Variants in CXADR observed in about 807,000 individuals in gnomAD.
The protein encoded by CXADR is CXADR cell adhesion molecule.
CXADR carries 20 observed loss-of-function variants against 40.3 expected under a neutral mutation model. That is an observed-to-expected ratio of 0.50 (90% CI 0.35 to 0.72). The LOEUF is 0.72. CXADR is among the 30% of genes least tolerant of loss of function. The probability of loss-of-function intolerance (pLI) is 0.01; values close to 1 mark genes in which losing one functional copy is unlikely to be tolerated. For missense variants in CXADR, 332 were observed against 449.1 expected (o/e 0.74, Z 2.36); for synonymous variants, 150 against 161.3 (o/e 0.93, Z 0.53).
chr21:17,565,253 G>C (rs548221036), intron 6 of CXADR, among the ~76,000 whole-genome samples, 175 bp from the exon 7 acceptor site: 10 of 151,632 alleles, frequency 6.6e-5, no homozygotes, highest in African/African-American at 2.4e-4. Context: ...AATTTATGAC[G>C]TTATGGCTTG....
At chr21:17,626,227 A>G in the CXADR span, among the ~76,000 whole-genome samples, 1 of 152,220 alleles carries the variant, frequency 6.6e-6, no homozygotes, top group Non-Finnish European at 1.5e-5. Flanking sequence ...ATATTTGTCA[A>G]TGCAAACATA....
At chr21:17,529,414 G>T (rs1034325781) in intron 1 of CXADR, among the ~76,000 whole-genome samples, 1 of 151,908 alleles carries the variant, frequency 6.6e-6, no homozygotes, top group Non-Finnish European at 1.5e-5. Context: ...TCTGCCTCCC[G>T]GGTTCAAGTG....
chr21:17,554,074 C>T (rs1032113423), intron 3 of CXADR, among the ~76,000 whole-genome samples: 1 of 152,162 alleles, frequency 6.6e-6, no homozygotes. Flanking sequence ...ATTTGATTAT[C>T]GGAATTATTT....
At chr21:17,580,981 G>T (rs564835535) in intron 7 of CXADR, among the ~76,000 whole-genome samples, 221 of 152,240 alleles carry the variant, frequency 1.5e-3, no homozygotes, top group Non-Finnish European at 1.4e-3. Flanking sequence ...AAACTCTTGG[G>T]CTCAAGTGAT....
chr21:17,631,886 A>C, the CXADR span, among the ~76,000 whole-genome samples: 1 of 152,322 alleles, frequency 6.6e-6, no homozygotes, highest in African/African-American at 2.4e-5. Context: ...ATCACGGCTC[A>C]CTGCACCCTC....
chr21:17,547,014 T>C lies in CXADR; in HGVS notation c.44-13T>C. 2 of 1,611,988 alleles carry C rather than the reference T, an allele frequency of 1.2e-6. No individual in the cohort carries two copies. Among genetic ancestry groups the C allele is most frequent in the Non-Finnish European group, 1.7e-6 (2 of 1,179,776 alleles). On this transcript the variant is annotated splice_polypyrimidine_tract_variant and intron_variant, in intron 1 of 6. Transcript: ENST00000284878. Reference sequence around the variant, plus strand: ...TAGCAAATGCTTAGTCCCTTGTACATTTCTTTCTCTAGATTTCGCCAGAAG... The same window carrying C: ...TAGCAAATGCTTAGTCCCTTGTACACTTCTTTCTCTAGATTTCGCCAGAAG...
At chr21:17,609,125 G>A in the CXADR span, 1 of 1,607,362 alleles carries the variant, frequency 6.2e-7, no homozygotes, top group Non-Finnish European at 8.5e-7. Context: ...GAAGACAACG[G>A]CAGCAATTTC....
At chr21:17,537,001 G>T (rs888576792) in intron 1 of CXADR, among the ~76,000 whole-genome samples, 2 of 151,930 alleles carry the variant, frequency 1.3e-5, no homozygotes, top group South Asian at 4.1e-4. Flanking sequence ...CAAATGATCC[G>T]CCCGTCTCAG....
chr21:17,540,554 A>G (rs1315523645), intron 1 of CXADR, among the ~76,000 whole-genome samples: 1 of 152,116 alleles, frequency 6.6e-6, no homozygotes, highest in African/African-American at 2.4e-5. Flanking sequence ...GTTCTACCTG[A>G]TCTGTTTGTC....
the CXADR span, among the ~76,000 whole-genome samples, chr21:17,629,432 G>C: frequency 4.6e-5 from 7 of 151,106 alleles, no homozygotes; most frequent in Admixed American, 2.6e-4. Context: ...ATGTATGTTG[G>C]TATATGCCTG....
At chr21:17,588,382 C>T (rs1346124231) in intron 7 of CXADR, among the ~76,000 whole-genome samples, 2 of 152,120 alleles carry the variant, frequency 1.3e-5, no homozygotes, top group East Asian at 1.9e-4. Flanking sequence ...AATGTTCTTC[C>T]GTTTGTTTGT....
chr21:17,524,651 T>C (rs1186126316), intron 1 of CXADR, among the ~76,000 whole-genome samples: 1 of 148,770 alleles, frequency 6.7e-6, no homozygotes. Flanking sequence ...TTCCAGCACT[T>C]TGGAAGGCTG....
the CXADR span, among the ~76,000 whole-genome samples, chr21:17,616,206 A>G: frequency 3.8e-4 from 58 of 151,850 alleles, no homozygotes; most frequent in East Asian, 0.011. Context: ...AACTGAGATC[A>G]TCGTGCTCTG....
downstream of CXADR, among the ~76,000 whole-genome samples, chr21:17,574,515 A>G (rs1256999411): frequency 2.0e-5 from 3 of 152,190 alleles, no homozygotes; most frequent in Non-Finnish European, 4.4e-5. Flanking sequence ...GCAAATTTGA[A>G]AGCAGAACCC....
intron 5 of CXADR, 149 bp downstream of exon 5, chr21:17,560,973 A>G (rs2061110314): frequency 2.3e-6 from 3 of 1,298,118 alleles, no homozygotes; most frequent in Non-Finnish European, 3.1e-6. Flanking sequence ...CTAGAAAAAT[A>G]CATTTTATTA....
intron 7 of CXADR, among the ~76,000 whole-genome samples, chr21:17,584,034 G>C (rs1369488631): frequency 1.3e-5 from 2 of 152,174 alleles, no homozygotes; most frequent in African/African-American, 4.8e-5. Context: ...TTATTCCTGG[G>C]TTTGTGTGTT....
intron 1 of CXADR, among the ~76,000 whole-genome samples, chr21:17,529,720 T>A (rs1569085042): frequency 6.6e-6 from 1 of 152,212 alleles, no homozygotes; most frequent in Non-Finnish European, 1.5e-5. Context: ...CCTTCAGGTA[T>A]TCTAAAATTT....
At chr21:17,522,051 T>C (rs1177435945) in intron 1 of CXADR, among the ~76,000 whole-genome samples, 1 of 152,188 alleles carries the variant, frequency 6.6e-6, no homozygotes, top group Non-Finnish European at 1.5e-5. Flanking sequence ...AGTGTCTCTC[T>C]CTCTTGCCCA....
In CXADR at chr21:17,558,999, T is replaced by TA; in HGVS notation, c.440dup (p.Tyr147Ter). Residue 147 changes from tyrosine (Y) to a stop codon, truncating the protein, a stop_gained and frameshift_variant, in exon 4 of 7, where the codon TAC (tyrosine) becomes TAAC (stop). Transcript: ENST00000284878. LOFTEE classifies it high-confidence loss of function. The stretch of plus-strand genomic sequence containing the variant: ...AGTTAAGCCTTCAGGTGCGAGATGT[T>TA]ACGTTGATGGATCTGAAGAAATTGG... ...VLVKPSGARC[Y>*]VDGSEEIGSD... 1 of 1,613,218 alleles carries TA rather than the reference T, an allele frequency of 6.2e-7. No homozygotes were observed. Among genetic ancestry groups the TA allele is most frequent in the Non-Finnish European group, 8.5e-7 (1 of 1,179,666 alleles).
Sources: gnomAD v4.1 joint callset for allele counts (sites outside exome capture counted in the v4.1 genomes callset) on GRCh38, gnomAD v4.1.1 for gene constraint, MANE v1.5 for transcripts, NCBI Gene and HGNC (gene_info 2026-07-23, HGNC 2026-07-21) for gene names.